Variants in CDH20 observed in about 807,000 individuals in gnomAD.
The protein encoded by CDH20 is cadherin-20.
In CDH20, 29 loss-of-function variants were observed where a neutral mutation model predicts 74.2. The observed-to-expected ratio is 0.39, with a 90% CI of 0.29 to 0.53. The LOEUF (loss-of-function observed/expected upper bound fraction) is 0.53. Ranked by LOEUF, CDH20 falls within the 20% of genes least tolerant of loss-of-function variation. CDH20 has a pLI of 0.69. For synonymous variants in CDH20, 469 were observed against 405.4 expected, an observed-to-expected ratio of 1.16 and a Z score of -1.88; for missense variants, 988 against 1,048.3, an observed-to-expected ratio of 0.94 and a Z score of 0.79.
intron 6 of CDH20, among the ~76,000 whole-genome samples, chr18:61,512,132 A>G (rs1238627253): frequency 6.6e-6 from 1 of 152,210 alleles, no homozygotes; most frequent in Non-Finnish European, 1.5e-5. Context: ...TTTCAAAAAG[A>G]GGAATTGATA....
chr18:61,549,605 G>A (rs1355015311), intron 10 of CDH20, among the ~76,000 whole-genome samples: 1 of 152,236 alleles, frequency 6.6e-6, no homozygotes, highest in Non-Finnish European at 1.5e-5. Flanking sequence ...GCAAGCTGCT[G>A]AGCAGGAACA....
intron 6 of CDH20, among the ~76,000 whole-genome samples, chr18:61,515,491 G>A (rs576466538): frequency 9.9e-5 from 15 of 152,244 alleles, no homozygotes; most frequent in East Asian, 3.9e-4. Context: ...GCTGTAGACC[G>A]GAGCTGTTCC....
At chr18:61,334,439 T>G (rs1328491531) in intron 1 of CDH20, 1 of 152,144 alleles carries the variant, frequency 6.6e-6, no homozygotes, top group Non-Finnish European at 1.5e-5. Context: ...CTTCGCCAAC[T>G]CCCCGGATTT....
intron 1 of CDH20, among the ~76,000 whole-genome samples, chr18:61,362,055 C>T (rs1015050196): frequency 3.7e-4 from 56 of 152,256 alleles, no homozygotes; most frequent in African/African-American, 1.3e-3. Flanking sequence ...CACCCAGGGT[C>T]ACACAGCAAG....
At chr18:61,479,119 A>C (rs1910498111) in intron 1 of CDH20, among the ~76,000 whole-genome samples, 1 of 152,046 alleles carries the variant, frequency 6.6e-6, no homozygotes, top group African/African-American at 2.4e-5. Context: ...TTTCTTTTCT[A>C]TTTAATTCCT....
At chr18:61,534,189 T>G (rs1398152029) in intron 7 of CDH20, among the ~76,000 whole-genome samples, 1 of 152,178 alleles carries the variant, frequency 6.6e-6, no homozygotes, top group Admixed American at 6.5e-5. Context: ...CAATGAGATA[T>G]CACCTCACAA....
chr18:61,451,307 T>C (rs1909378469), intron 1 of CDH20, among the ~76,000 whole-genome samples: 1 of 152,050 alleles, frequency 6.6e-6, no homozygotes, highest in Non-Finnish European at 1.5e-5. Flanking sequence ...TTTAAAATTA[T>C]GGAAAATTAT....
rs202162118 is a variant in CDH20, at chr18:61,388,893, C to T, written c.-153+55066C>T. On this transcript the variant is annotated intron_variant, in intron 1 of 11. Coordinates refer to ENST00000262717, the MANE Select transcript of CDH20 (RefSeq NM_031891.4). ...AAACTCTGAACCTTGTTTTCCCATC[C>T]GTGAAACAGACATAATAGTACCATG... 2.0e-5 allele frequency among the ~76,000 whole-genome samples: 3 copies of T among 152,242 alleles called. No homozygotes were observed. In the East Asian group the frequency reaches 5.8e-4, roughly 29 times the overall value.
chr18:61,406,646 G>A (rs899257257), intron 1 of CDH20, among the ~76,000 whole-genome samples: 4 of 152,216 alleles, frequency 2.6e-5, no homozygotes, highest in Admixed American at 2.0e-4. Context: ...CCTTAGACAG[G>A]GTGGTTGAGA....
At chr18:61,404,748 T>C (rs1912271512) in intron 1 of CDH20, 1 of 337,746 alleles carries the variant, frequency 3.0e-6, no homozygotes, top group Admixed American at 4.6e-5. Context: ...CCCTTTTCCT[T>C]GGCAGTTAAA....
chr18:61,404,144 G>C (rs1912246974), intron 1 of CDH20, among the ~76,000 whole-genome samples: 2 of 152,180 alleles, frequency 1.3e-5, no homozygotes, highest in Non-Finnish European at 2.9e-5. Context: ...ATGATGGATT[G>C]ATAGCAAACC....
chr18:61,527,152 C>A lies in CDH20; in HGVS notation c.1018-815C>A, dbSNP rs149336221. ...CTGAGATCACACTGTTGCATTCTAG[C>A]CTGGGTGACAGAGCGAGACTCCATC... On this transcript the variant is annotated intron_variant, in intron 6 of 11. Transcript: ENST00000262717. Among the ~76,000 whole-genome samples, 182 of 152,214 alleles carry A rather than the reference C, an allele frequency of 1.2e-3. 1 individual carries two copies. The highest frequency in any genetic ancestry group is 4.3e-3 in the African/African-American group (178 of 41,518).
At chr18:61,395,750 CTT>C (rs1226543381) in intron 1 of CDH20, among the ~76,000 whole-genome samples, 1 of 152,104 alleles carries the variant, frequency 6.6e-6, no homozygotes, top group African/African-American at 2.4e-5. Context: ...ATTATATGAC[CTT>C]GGCCAGGCGC....
In CDH20 at chr18:61,396,135, G is replaced by A. The variant is rs962377253; in HGVS notation, c.-153+62308G>A. Among the ~76,000 whole-genome samples, 64 of 151,698 alleles carry A rather than the reference G, an allele frequency of 4.2e-4. 1 individual carries two copies. The highest frequency in any genetic ancestry group is 1.5e-3 in the African/African-American group (62 of 41,300). On this transcript the variant is annotated intron_variant, in intron 1 of 11. Transcript: ENST00000262717. ...AAATTAGGAACAAGCACCATTGAGG[G>A]GATTCAATTCACTTTAACCTTAATA... is the stretch of plus-strand genomic sequence containing the variant.
intron 9 of CDH20, among the ~76,000 whole-genome samples, chr18:61,543,953 T>A (rs1913133341): frequency 6.6e-6 from 1 of 152,112 alleles, no homozygotes; most frequent in African/African-American, 2.4e-5. Context: ...TAACTCAAAG[T>A]CTCTTATTTT....
intron 1 of CDH20, among the ~76,000 whole-genome samples, chr18:61,335,609 T>C (rs1214126429): frequency 6.6e-6 from 1 of 152,346 alleles, no homozygotes; most frequent in African/African-American, 2.4e-5. Context: ...GACTTTGGCG[T>C]GACCTTTCTT....
rs553146342 is a variant in CDH20, at chr18:61,464,327, A to T, written c.-152-26075A>T. Among the ~76,000 whole-genome samples the T allele has an allele frequency of 6.2e-3, 943 of 151,990 alleles. 10 individuals are homozygous for T. Among genetic ancestry groups the T allele is most frequent in the Middle Eastern group, 0.014 (4 of 294 alleles). Reference sequence around the variant, plus strand: ...TTTAGCAAGGTGTTAAAAAAAAAAAAGTTAACATATTGCACAATTCTTATT... The same window carrying T: ...TTTAGCAAGGTGTTAAAAAAAAAAATGTTAACATATTGCACAATTCTTATT... On this transcript the variant is annotated intron_variant, in intron 1 of 11. Transcript: ENST00000262717.
At position 61,554,746 on chromosome 18, in the gene CDH20, G is replaced by A; in HGVS notation, c.*51G>A. ...CCAAATCCAGACGTTCTCCGCGGGT[G>A]CTTCGCGGACAAGGTGCAGCCAACC... On this transcript the variant is annotated 3_prime_UTR_variant, in exon 12 of 12. Coordinates refer to ENST00000262717, the MANE Select transcript of CDH20 (RefSeq NM_031891.4). 4.7e-6 allele frequency: 7 copies of A among 1,485,154 alleles called. No homozygotes were observed. The highest frequency in any genetic ancestry group is 2.5e-5 in the East Asian group (1 of 40,728). 92.0% of individuals were successfully genotyped at this position (1,485,154 alleles called of 1,614,324 possible).
At chr18:61,541,580 A>G (rs1180700677) in intron 9 of CDH20, among the ~76,000 whole-genome samples, 1 of 152,216 alleles carries the variant, frequency 6.6e-6, no homozygotes, top group Non-Finnish European at 1.5e-5. Context: ...TTTCACTTCA[A>G]GTTCAGTCTG....
Sources: allele counts gnomAD v4.1 joint callset (sites outside exome capture counted in the v4.1 genomes callset), GRCh38; gene constraint gnomAD v4.1.1; transcripts MANE v1.5; gene names NCBI Gene and HGNC (gene_info 2026-07-23, HGNC 2026-07-21).